Variants in LCLAT1 observed in about 807,000 individuals in gnomAD.
LCLAT1 encodes lysocardiolipin acyltransferase 1, also known as 1-AGP acyltransferase 8.
A neutral mutation model predicts 30.7 loss-of-function variants in LCLAT1; 11 were observed. The ratio of observed to expected loss-of-function variants is 0.36; its 90% CI spans 0.23 to 0.59. The LOEUF (loss-of-function observed/expected upper bound fraction) is 0.59. Ranked by LOEUF, LCLAT1 falls within the 20% of genes least tolerant of loss-of-function variation. The pLI is 0.77. For synonymous variants in LCLAT1, 155 were observed against 151.3 expected (o/e 1.02, Z -0.18); for missense variants, 402 against 458.6 (o/e 0.88, Z 1.13).
chr2:30,581,940 G>A (rs1385842006), intron 5 of LCLAT1, among the ~76,000 whole-genome samples: 1 of 152,168 alleles, frequency 6.6e-6, no homozygotes, highest in African/African-American at 2.4e-5. Flanking sequence ...AGTGTTTGAG[G>A]TAATGGATAT....
chr2:30,638,497 A>G (rs1669143274), intron 5 of LCLAT1, among the ~76,000 whole-genome samples: 1 of 152,304 alleles, frequency 6.6e-6, no homozygotes, highest in Admixed American at 6.5e-5. Flanking sequence ...TGTCTGCATC[A>G]TATGGTTCTG....
intron 1 of LCLAT1, among the ~76,000 whole-genome samples, chr2:30,456,743 A>G (rs1393024297): frequency 6.6e-6 from 1 of 152,138 alleles, no homozygotes; most frequent in Non-Finnish European, 1.5e-5. Context: ...CATATTTTCC[A>G]TGGGTCCCAA....
chr2:30,622,273 C>G (rs977906803), intron 5 of LCLAT1, among the ~76,000 whole-genome samples: 7 of 152,202 alleles, frequency 4.6e-5, no homozygotes, highest in African/African-American at 1.7e-4. Flanking sequence ...AGAGCCTGAG[C>G]TCAGACCAGC....
At chr2:30,499,066 G>A (rs190562037) in intron 1 of LCLAT1, among the ~76,000 whole-genome samples, 43 of 152,284 alleles carry the variant, frequency 2.8e-4, no homozygotes, top group Middle Eastern at 3.4e-3. Context: ...GAATAGAAAG[G>A]GTTTAGTTGG....
intron 1 of LCLAT1, among the ~76,000 whole-genome samples, chr2:30,458,158 C>T (rs960253820): frequency 2.0e-5 from 3 of 152,098 alleles, no homozygotes; most frequent in African/African-American, 7.2e-5. Flanking sequence ...GAGAGGTAGA[C>T]ATTTCTAATA....
intron 5 of LCLAT1, among the ~76,000 whole-genome samples, chr2:30,587,107 G>T (rs540260582): frequency 1.3e-4 from 20 of 152,302 alleles, no homozygotes; most frequent in African/African-American, 4.6e-4. Flanking sequence ...TTCTTGCTCT[G>T]TCACTAACAC....
intron 1 of LCLAT1, among the ~76,000 whole-genome samples, chr2:30,504,470 A>G (rs1684561527): frequency 1.3e-5 from 2 of 152,200 alleles, no homozygotes; most frequent in Admixed American, 6.5e-5. Flanking sequence ...TTAGTTTACT[A>G]AATACTTTTA....
At chr2:30,537,121 C>T (rs1277527298) in intron 3 of LCLAT1, among the ~76,000 whole-genome samples, 1 of 152,226 alleles carries the variant, frequency 6.6e-6, no homozygotes, top group Admixed American at 6.5e-5. Context: ...GTGGCTCACG[C>T]CTGTAATCCC....
intron 1 of LCLAT1, among the ~76,000 whole-genome samples, chr2:30,501,978 A>G (rs750522730): frequency 6.6e-6 from 1 of 152,240 alleles, no homozygotes; most frequent in Non-Finnish European, 1.5e-5. Context: ...CTTTAACGTA[A>G]GAAATCCTGG....
chr2:30,498,636 G>A (rs1007206133), intron 1 of LCLAT1, among the ~76,000 whole-genome samples: 1 of 152,016 alleles, frequency 6.6e-6, no homozygotes, highest in Admixed American at 6.6e-5. Flanking sequence ...CCTCTCTCAC[G>A]ATTTCTTACT....
chr2:30,615,257 A>AT (rs1167345114), intron 5 of LCLAT1, among the ~76,000 whole-genome samples: 13 of 152,048 alleles, frequency 8.5e-5, no homozygotes, highest in African/African-American at 3.1e-4. Context: ...AGGTGGAGGG[A>AT]TTGGCCCTAA....
intron 1 of LCLAT1, among the ~76,000 whole-genome samples, chr2:30,485,558 C>CT (rs1175854856): frequency 1.7e-4 from 26 of 151,534 alleles, no homozygotes; most frequent in East Asian, 1.2e-3. Context: ...CTTAAGTGTT[C>CT]TTTTTGTTTA....
At chr2:30,485,809 G>A (rs769174303) in intron 1 of LCLAT1, among the ~76,000 whole-genome samples, 24 of 152,070 alleles carry the variant, frequency 1.6e-4, no homozygotes, top group Non-Finnish European at 3.2e-4. Flanking sequence ...AGGAACATTT[G>A]GATTAATGCT....
intron 4 of LCLAT1, among the ~76,000 whole-genome samples, chr2:30,567,097 G>A (rs541941358): frequency 1.3e-5 from 2 of 152,162 alleles, no homozygotes; most frequent in South Asian, 2.1e-4. Context: ...GGATGTCTAG[G>A]TCATTGTATT....
chr2:30,473,207 C>T (rs1489642871), intron 1 of LCLAT1, among the ~76,000 whole-genome samples: 1 of 152,052 alleles, frequency 6.6e-6, no homozygotes, highest in African/African-American at 2.4e-5. Context: ...AACTGTATTA[C>T]ATATATAACT....
In LCLAT1 at chr2:30,604,660, CAAAA is replaced by C. The variant is rs71405526; in HGVS notation, c.629-35437_629-35434del. Among the ~76,000 whole-genome samples the C allele has an allele frequency of 8.1e-3, 779 of 95,868 alleles. 4 individuals carry two copies. Among genetic ancestry groups the C allele is most frequent in the African/African-American group, 0.029 (735 of 25,578 alleles). 62.9% of individuals were successfully genotyped at this position (95,868 alleles called of 152,430 possible). ...TTGGCGACAGAGTGAGACTCCGTCTCAAAAAAAAAAAAAAAAAAAAAAAGTAAAC... is the reference window on the plus strand; with the variant it reads ...TTGGCGACAGAGTGAGACTCCGTCTCAAAAAAAAAAAAAAAAAAAGTAAAC... On this transcript the variant is annotated intron_variant, in intron 5 of 5. Transcript: ENST00000379509.
chr2:30,613,141 G>T (rs371431414), intron 5 of LCLAT1, among the ~76,000 whole-genome samples: 2 of 152,222 alleles, frequency 1.3e-5, no homozygotes, highest in East Asian at 3.9e-4. Context: ...GGCTAGACCA[G>T]ATCAAGTCAC....
chr2:30,485,293 C>T (rs183005063), intron 1 of LCLAT1, among the ~76,000 whole-genome samples: 8 of 152,174 alleles, frequency 5.3e-5, no homozygotes, highest in Admixed American at 2.0e-4. Flanking sequence ...GTTTACATGA[C>T]GTATTTGGAA....
At chr2:30,589,475 AAAG>A (rs1272753099) in intron 5 of LCLAT1, among the ~76,000 whole-genome samples, 1 of 152,144 alleles carries the variant, frequency 6.6e-6, no homozygotes, top group Non-Finnish European at 1.5e-5. Context: ...GAAAAAAAAA[AAAG>A]GAGAGAAACA....
Sources: gnomAD v4.1 joint callset for allele counts (sites outside exome capture counted in the v4.1 genomes callset) on GRCh38, gnomAD v4.1.1 for gene constraint, MANE v1.5 for transcripts, NCBI Gene and HGNC (gene_info 2026-07-23, HGNC 2026-07-21) for gene names.